GDF5: variants seen among roughly 807,000 people sequenced by gnomAD.
GDF5 encodes the protein growth differentiation factor 5.
In GDF5, 17 loss-of-function variants were observed where a neutral mutation model predicts 34.6. The observed-to-expected ratio is 0.49, with a 90% CI of 0.34 to 0.74. The LOEUF (loss-of-function observed/expected upper bound fraction) is 0.74, where lower values mean the gene tolerates loss of function less well. GDF5 is among the 30% of genes least tolerant of loss of function. GDF5 has a pLI of 0.01. For missense variants in GDF5, 616 were observed against 661.2 expected (o/e 0.93, Z 0.75); for synonymous variants, 332 against 290.7 (o/e 1.14, Z -1.44).
chr20:35,451,590 T>A (rs2062534044), intron 1 of GDF5, among the ~76,000 whole-genome samples: 1 of 150,766 alleles, frequency 6.6e-6, no homozygotes, highest in African/African-American at 2.5e-5. Context: ...TCCTTTTTTT[T>A]TTTTTTTCGA....
rs548379983 is a variant in GDF5 at position 35,433,370 on chromosome 20, A to G, written c.*539T>C. The G allele has an allele frequency of 1.6e-4, 52 of 316,754 alleles. No individual in the cohort carries two copies. The East Asian group carries it at 4.0e-3, about 24-fold the overall frequency. 19.6% of individuals were successfully genotyped at this position (316,754 alleles called of 1,614,324 possible). A position where few individuals can be genotyped will look rare whatever the true frequency, so the allele number is the denominator to read the frequency against. ...AGTTTTAGGCACAGTTTTGCTTTTT[A>G]TCTCATCAATATACATTTAAATCTA... is the stretch of plus-strand genomic sequence containing the variant. On this transcript the variant is annotated 3_prime_UTR_variant, in exon 2 of 2. Coordinates refer to ENST00000374369, the MANE Select transcript of GDF5 (RefSeq NM_000557.5).
chr20:35,451,177 A>G (rs1384705547), intron 1 of GDF5, among the ~76,000 whole-genome samples: 1 of 150,896 alleles, frequency 6.6e-6, no homozygotes, highest in African/African-American at 2.4e-5. Context: ...CAGTTAGTCC[A>G]GACGGCCTCT....
chr20:35,441,863 G>A (rs1601078172), upstream of GDF5, among the ~76,000 whole-genome samples: 1 of 152,106 alleles, frequency 6.6e-6, no homozygotes, highest in Non-Finnish European at 1.5e-5. Context: ...TGAAGGTAGT[G>A]GTTTTCATTG....
intron 1 of GDF5, among the ~76,000 whole-genome samples, chr20:35,454,439 C>T (rs1298438167): frequency 7.0e-6 from 1 of 143,466 alleles, no homozygotes; most frequent in Non-Finnish European, 1.5e-5. Flanking sequence ...GGCGACAGAG[C>T]AAGACTCCAT....
intron 1 of GDF5, among the ~76,000 whole-genome samples, chr20:35,446,118 G>A (rs2062513299): frequency 6.6e-6 from 1 of 151,966 alleles, no homozygotes; most frequent in African/African-American, 2.4e-5. Context: ...GACCAGCCTG[G>A]CCAACATGGT....
chr20:35,435,107 A>G (rs2062465876), intron 1 of GDF5: 1 of 601,404 alleles, frequency 1.7e-6, no homozygotes, highest in African/African-American at 1.9e-5. Flanking sequence ...TCTCCCAGCC[A>G]TGAGCTAACG....
At chr20:35,452,861 A>G (rs1030927878) in intron 1 of GDF5, among the ~76,000 whole-genome samples, 4 of 149,928 alleles carry the variant, frequency 2.7e-5, no homozygotes, top group Non-Finnish European at 6.0e-5. Flanking sequence ...AGACTGTGCT[A>G]AATCCCAGGA....
chr20:35,436,125 T>C (rs1464526370), intron 1 of GDF5, among the ~76,000 whole-genome samples: 4 of 152,168 alleles, frequency 2.6e-5, no homozygotes, highest in African/African-American at 4.8e-5. Context: ...CAATTTGCCA[T>C]TGGGGAGCTT....
upstream of GDF5, among the ~76,000 whole-genome samples, chr20:35,439,529 A>G (rs2062490643): frequency 6.6e-6 from 1 of 152,078 alleles, no homozygotes; most frequent in Non-Finnish European, 1.5e-5. Flanking sequence ...GCCGGGCACA[A>G]TTTCCCACAT....
intron 1 of GDF5, among the ~76,000 whole-genome samples, chr20:35,450,455 T>G (rs1041813290): frequency 6.6e-5 from 10 of 152,242 alleles, no homozygotes; most frequent in Admixed American, 3.3e-4. Flanking sequence ...CAGCTCACTT[T>G]AGTCACTCAA....
At chr20:35,441,546 C>T (rs1227677339), upstream of GDF5, among the ~76,000 whole-genome samples, 1 of 151,714 alleles carries the variant, frequency 6.6e-6, no homozygotes, top group African/African-American at 2.4e-5. Context: ...CCTCCACCCC[C>T]CGGGTTCAAG....
Position 35,448,751 on chromosome 20 carries a change from C to A in GDF5, c.-398+5889G>T, listed in dbSNP as rs571106274. ...GAGCCATCAGGCCTGACCAAGGGCCCATTTTTGAGGAAGGAGAGGACCTGG... is the reference window on the plus strand; with the variant it reads ...GAGCCATCAGGCCTGACCAAGGGCCAATTTTTGAGGAAGGAGAGGACCTGG... On this transcript the variant is annotated intron_variant, in intron 1 of 3. Coordinates refer to the GDF5 transcript ENST00000374372. 3.3e-5 allele frequency among the ~76,000 whole-genome samples: 5 copies of A among 152,190 alleles called. No individual in the cohort carries two copies. In the East Asian group the frequency reaches 7.7e-4, roughly 24 times the overall value.
Position 35,452,712 on chromosome 20 carries a change from G to A in GDF5, c.-398+1928C>T, listed in dbSNP as rs531357427. On this transcript the variant is annotated intron_variant, in intron 1 of 3. Transcript: ENST00000374372. Reference sequence around the variant, plus strand: ...GCTGGGATTACAGGCGTGAGCCACCGCACCCGGCCGACTCCTCATAGTCTT... The same window carrying A: ...GCTGGGATTACAGGCGTGAGCCACCACACCCGGCCGACTCCTCATAGTCTT... Among the ~76,000 whole-genome samples the A allele has an allele frequency of 4.9e-4, 74 of 150,552 alleles. No homozygotes were observed. The East Asian group carries it at 0.011, about 23-fold the overall frequency.
chr20:35,433,787 A>C lies in GDF5; in HGVS notation c.*122T>G. 2.3e-6 allele frequency: 2 copies of C among 867,762 alleles called. No individual in the cohort carries two copies. The highest frequency in any genetic ancestry group is 3.9e-6 in the Non-Finnish European group (2 of 507,194). The allele number at this position is 867,762 out of a possible 1,614,324, so 53.8% of individuals were successfully genotyped here. A position where few individuals can be genotyped will look rare whatever the true frequency, so the allele number is the denominator to read the frequency against. On this transcript the variant is annotated 3_prime_UTR_variant, in exon 2 of 2. Transcript: ENST00000374369. ...TCAGAGAGCGAGCAAGCTTATTGGAATCCCCTTTCACCCAAGCTGTGTAGA... is the reference window on the plus strand; with the variant it reads ...TCAGAGAGCGAGCAAGCTTATTGGACTCCCCTTTCACCCAAGCTGTGTAGA...
At chr20:35,443,098 G>T (rs2062503267), upstream of GDF5, among the ~76,000 whole-genome samples, 1 of 152,106 alleles carries the variant, frequency 6.6e-6, no homozygotes, top group African/African-American at 2.4e-5. Context: ...GGAACTCCCA[G>T]AAATGGGCTG....
chr20:35,453,912 C>T (rs141690667), intron 1 of GDF5: 79 of 534,538 alleles, frequency 1.5e-4, no homozygotes, highest in African/African-American at 1.3e-3. Context: ...ATTACAGTCT[C>T]TACGCTCAAG....
intron 1 of GDF5, among the ~76,000 whole-genome samples, chr20:35,449,383 C>T (rs2146591046): frequency 6.6e-6 from 1 of 152,216 alleles, no homozygotes; most frequent in African/African-American, 2.4e-5. Flanking sequence ...TCAAGCGATC[C>T]TTCCTACCTC....
Position 35,434,675 on chromosome 20 carries a change from G to A in GDF5, c.740C>T (p.Ser247Leu), listed in dbSNP as rs147779125. ...GGGGGCCGCTGGCTTGGCCGTGTCC[G>A]AGGGCTTCTTCCGCAAGATCCGCAG... ...AELRILRKKP[S>L]DTAKPAAPGG... is the part of the protein sequence containing the mutation. Residue 247 changes from serine (S) to leucine (L), a missense_variant, in exon 2 of 2, where the codon TCG (serine) becomes TTG (leucine). By Grantham distance (145) the Ser-to-Leu change is moderately radical. Coordinates refer to ENST00000374369, the MANE Select transcript of GDF5 (RefSeq NM_000557.5). 55 of 1,612,746 alleles carry A rather than the reference G, an allele frequency of 3.4e-5. No homozygotes were observed. The African/African-American group carries it at 6.4e-4, about 19-fold the overall frequency.
intron 1 of GDF5, among the ~76,000 whole-genome samples, chr20:35,451,488 G>C (rs2062533378): frequency 1.3e-5 from 2 of 151,964 alleles, no homozygotes; most frequent in African/African-American, 4.8e-5. Flanking sequence ...AGGACTCTTG[G>C]GCCCCAAGCC....
Sources: allele counts gnomAD v4.1 joint callset (sites outside exome capture counted in the v4.1 genomes callset), GRCh38; gene constraint gnomAD v4.1.1; transcripts MANE v1.5; gene names NCBI Gene and HGNC (gene_info 2026-07-23, HGNC 2026-07-21).